DNMBP: variants seen among roughly 807,000 people sequenced by gnomAD.
The protein encoded by DNMBP is dynamin binding protein.
Under a neutral mutation model 150.0 loss-of-function variants are expected in DNMBP, and 87 were observed. The observed-to-expected ratio is 0.58, with a 90% CI of 0.49 to 0.69. The LOEUF is 0.69. Among genes scored for constraint, DNMBP ranks in the 30% least tolerant of loss-of-function variants. The pLI is 0.00. For missense variants in DNMBP, 1,774 were observed against 1,949.0 expected (o/e 0.91, Z 1.69); for synonymous variants, 711 against 750.4 (o/e 0.95, Z 0.86).
At chr10:99,985,478 A>C (rs2040819332) in intron 1 of DNMBP, among the ~76,000 whole-genome samples, 1 of 152,034 alleles carries the variant, frequency 6.6e-6, no homozygotes, top group Admixed American at 6.6e-5. Flanking sequence ...CCCAGGGGAG[A>C]GTACCTACCT....
chr10:99,918,411 C>G (rs1190169786), intron 4 of DNMBP, among the ~76,000 whole-genome samples: 1 of 152,070 alleles, frequency 6.6e-6, no homozygotes, highest in Non-Finnish European at 1.5e-5. Flanking sequence ...TAATGTCGGT[C>G]TATTTTGGCA....
At chr10:99,892,978 A>G (rs1394287144) in intron 11 of DNMBP, among the ~76,000 whole-genome samples, 1 of 152,224 alleles carries the variant, frequency 6.6e-6, no homozygotes, top group Non-Finnish European at 1.5e-5. Flanking sequence ...CAATAGATAC[A>G]GAGATCAACA....
chr10:99,877,724 C>A (rs567413616), intron 16 of DNMBP, among the ~76,000 whole-genome samples: 1 of 152,066 alleles, frequency 6.6e-6, no homozygotes, highest in African/African-American at 2.4e-5. Flanking sequence ...ATTAGCCGGG[C>A]GTGGTGGCAC....
intron 4 of DNMBP, among the ~76,000 whole-genome samples, chr10:99,952,197 A>G (rs2040431955): frequency 6.6e-6 from 1 of 152,196 alleles, no homozygotes; most frequent in Admixed American, 6.5e-5. Flanking sequence ...ACCATGTGGA[A>G]TTGTAAGTCC....
intron 4 of DNMBP, chr10:99,929,991 T>C (rs2040130112): frequency 2.8e-6 from 2 of 702,910 alleles, no homozygotes; most frequent in Non-Finnish European, 5.2e-6. Context: ...AAAATCACCC[T>C]GATCCATAAT....
At chr10:99,919,638 C>G (rs2040000809) in intron 4 of DNMBP, among the ~76,000 whole-genome samples, 1 of 152,190 alleles carries the variant, frequency 6.6e-6, no homozygotes, top group Non-Finnish European at 1.5e-5. Flanking sequence ...ACTAAAAATA[C>G]AAGAATTAGC....
chr10:99,892,592 TCTCAAGTAATCAGG>T (rs1318135323), intron 11 of DNMBP, among the ~76,000 whole-genome samples: 1 of 133,960 alleles, frequency 7.5e-6, no homozygotes, highest in Non-Finnish European at 1.6e-5. Flanking sequence ...CAATCCCTAA[TCTCAAGTAATCAGG>T]GACACAAACA....
intron 4 of DNMBP, among the ~76,000 whole-genome samples, chr10:99,931,153 C>G (rs994741501): frequency 4.6e-5 from 7 of 152,150 alleles, no homozygotes; most frequent in African/African-American, 1.2e-4. Context: ...AAACAGCACC[C>G]CTTTAGAAGT....
intron 4 of DNMBP, among the ~76,000 whole-genome samples, chr10:99,920,431 TAA>T (rs760086306): frequency 8.6e-5 from 13 of 152,046 alleles, no homozygotes; most frequent in Non-Finnish European, 1.8e-4. Flanking sequence ...ATGGGTGGGG[TAA>T]AGTCACTTCA....
At chr10:99,952,192 G>A (rs115856148) in intron 4 of DNMBP, among the ~76,000 whole-genome samples, 23 of 152,262 alleles carry the variant, frequency 1.5e-4, no homozygotes, top group African/African-American at 5.3e-4. Flanking sequence ...CCCCAACCAT[G>A]TGGAATTGTA....
chr10:99,989,341 T>C (rs1182063440), intron 1 of DNMBP, among the ~76,000 whole-genome samples: 1 of 152,232 alleles, frequency 6.6e-6, no homozygotes, highest in African/African-American at 2.4e-5. Flanking sequence ...CTGGTGCTCC[T>C]GTAATCTGCC....
chr10:99,945,708 G>A (rs1291609173), intron 4 of DNMBP, among the ~76,000 whole-genome samples: 1 of 152,156 alleles, frequency 6.6e-6, no homozygotes, highest in Non-Finnish European at 1.5e-5. Flanking sequence ...GTTTTCCACT[G>A]CTTAATATTT....
At chr10:99,985,350 T>C (rs1365976367) in intron 1 of DNMBP, among the ~76,000 whole-genome samples, 3 of 152,150 alleles carry the variant, frequency 2.0e-5, no homozygotes, top group African/African-American at 4.8e-5. Context: ...ATATATAATT[T>C]CAAGATGAAC....
At chr10:99,999,287 T>C (rs2133386436) in intron 1 of DNMBP, among the ~76,000 whole-genome samples, 1 of 152,386 alleles carries the variant, frequency 6.6e-6, no homozygotes, top group East Asian at 1.9e-4. Context: ...AGTTTGAATT[T>C]AATTCTATTC....
At chr10:99,934,608 G>T (rs1216950674) in intron 4 of DNMBP, among the ~76,000 whole-genome samples, 1 of 135,948 alleles carries the variant, frequency 7.4e-6, no homozygotes, top group Non-Finnish European at 1.6e-5. Context: ...GATTACTGAG[G>T]AAGAAGCCAT....
chr10:99,907,886 C>A (rs1334457022), intron 6 of DNMBP, 109 bp downstream of exon 6: 4 of 740,550 alleles, frequency 5.4e-6, no homozygotes, highest in Non-Finnish European at 9.2e-6. Flanking sequence ...TAAGTACCTA[C>A]ACCTGTATCT....
chr10:99,994,731 G>T (rs1199748035), intron 1 of DNMBP, among the ~76,000 whole-genome samples: 2 of 152,172 alleles, frequency 1.3e-5, no homozygotes, highest in Admixed American at 1.3e-4. Flanking sequence ...TTTACTGACT[G>T]TTCTAAAACA....
At chr10:99,885,061 AACTC>A (rs375738646) in intron 14 of DNMBP, among the ~76,000 whole-genome samples, 250 of 152,314 alleles carry the variant, frequency 1.6e-3, no homozygotes, top group African/African-American at 5.6e-3. Context: ...AAAAAAGACT[AACTC>A]CAGGTAAAAA....
Position 99,877,102 on chromosome 10 carries a change from G to C in DNMBP, c.*49C>G, listed in dbSNP as rs371790735. 4 of 1,385,114 alleles carry C rather than the reference G, an allele frequency of 2.9e-6. No individual in the cohort carries two copies. The highest frequency in any genetic ancestry group is 3.8e-6 in the Non-Finnish European group (4 of 1,054,530). 85.8% of individuals were successfully genotyped at this position (1,385,114 alleles called of 1,614,324 possible). On this transcript the variant is annotated 3_prime_UTR_variant, in exon 17 of 17. Coordinates refer to ENST00000324109, the MANE Select transcript of DNMBP (RefSeq NM_015221.4). ...CTCTCGGTGGGCCGCCAGAACCCTC[G>C]GCGGACTGAAAGCAAAGGCAGCAAG... is the stretch of plus-strand genomic sequence containing the variant.
Sources: gnomAD v4.1 joint callset for allele counts (sites outside exome capture counted in the v4.1 genomes callset) on GRCh38, gnomAD v4.1.1 for gene constraint, MANE v1.5 for transcripts, NCBI Gene and HGNC (gene_info 2026-07-23, HGNC 2026-07-21) for gene names.